The following GALNTL6 variants were observed in gnomAD, a reference collection of about 807,000 sequenced individuals.
The protein encoded by GALNTL6 is polypeptide N-acetylgalactosaminyltransferase-like 6.
A neutral mutation model predicts 73.7 loss-of-function variants in GALNTL6; 46 were observed. The observed-to-expected ratio is 0.62, with a 90% CI of 0.49 to 0.80. GALNTL6 has a LOEUF of 0.80. GALNTL6 is among the 30% of genes least tolerant of loss of function. The pLI is 0.00. For synonymous variants in GALNTL6, 259 were observed against 263.7 expected (o/e 0.98, Z 0.17); for missense variants, 604 against 755.0 (o/e 0.80, Z 2.34).
intron 4 of GALNTL6, among the ~76,000 whole-genome samples, chr4:172,333,464 G>T (rs1741202972): frequency 6.6e-6 from 1 of 151,984 alleles, no homozygotes; most frequent in African/African-American, 2.4e-5. Context: ...GATGTCCTTT[G>T]CCCACATTTT....
intron 3 of GALNTL6, among the ~76,000 whole-genome samples, chr4:172,260,795 C>T (rs1414904747): frequency 6.6e-6 from 1 of 151,032 alleles, no homozygotes; most frequent in Admixed American, 6.6e-5. Flanking sequence ...CTAATTTTGC[C>T]AAAGGTTTTA....
intron 2 of GALNTL6, among the ~76,000 whole-genome samples, chr4:172,227,266 A>T (rs1736898837): frequency 6.6e-6 from 1 of 152,184 alleles, no homozygotes; most frequent in South Asian, 2.1e-4. Flanking sequence ...TAAGCTGTGG[A>T]CTGGCAGCTT....
At chr4:171,881,859 T>C (rs938831755) in intron 2 of GALNTL6, among the ~76,000 whole-genome samples, 1 of 152,164 alleles carries the variant, frequency 6.6e-6, no homozygotes, top group Non-Finnish European at 1.5e-5. Context: ...AAGGCAAAAA[T>C]CTAAAATGTG....
chr4:172,539,158 T>G (rs965288265), intron 5 of GALNTL6, among the ~76,000 whole-genome samples: 1 of 152,188 alleles, frequency 6.6e-6, no homozygotes, highest in Non-Finnish European at 1.5e-5. Context: ...TGAATTTTTT[T>G]TGTGTTCTTT....
At position 172,729,893 on chromosome 4, in the gene GALNTL6, C is replaced by T. The variant is rs181187331; in HGVS notation, c.554-79468C>T. On this transcript the variant is annotated intron_variant, in intron 5 of 12. Coordinates refer to ENST00000506823, the MANE Select transcript of GALNTL6 (RefSeq NM_001034845.3). ...ACTATCTTTCTGTTTTTTTGGTGTCCTCTTCAATTTCTTTTATCAGTATTT... is the reference window on the plus strand; with the variant it reads ...ACTATCTTTCTGTTTTTTTGGTGTCTTCTTCAATTTCTTTTATCAGTATTT... 1.0e-3 allele frequency among the ~76,000 whole-genome samples: 159 copies of T among 151,914 alleles called. 1 individual carries two copies. The highest frequency in any genetic ancestry group is 0.01 in the Admixed American group (159 of 15,274).
intron 5 of GALNTL6, among the ~76,000 whole-genome samples, chr4:172,783,079 A>G (rs1436877223): frequency 4.6e-5 from 7 of 151,396 alleles, no homozygotes; most frequent in African/African-American, 1.5e-4. Flanking sequence ...GCACCACTTG[A>G]AACATAACCA....
intron 8 of GALNTL6, among the ~76,000 whole-genome samples, chr4:172,921,920 A>T (rs1747813532): frequency 6.6e-6 from 1 of 152,150 alleles, no homozygotes; most frequent in Admixed American, 6.6e-5. Context: ...TTTCTCTAAG[A>T]GTTAACTACT....
chr4:172,584,148 A>G (rs576943972), intron 5 of GALNTL6, among the ~76,000 whole-genome samples: 2 of 152,070 alleles, frequency 1.3e-5, no homozygotes, highest in South Asian at 2.1e-4. Context: ...AAAAAAATGG[A>G]GAGTGCAATA....
intron 10 of GALNTL6, among the ~76,000 whole-genome samples, chr4:172,984,197 A>G (rs1052564021): frequency 2.6e-5 from 4 of 152,242 alleles, no homozygotes; most frequent in African/African-American, 9.6e-5. Flanking sequence ...TAATACAGAC[A>G]TACTAGACTG....
At chr4:172,084,914 T>C (rs1284297262) in intron 2 of GALNTL6, among the ~76,000 whole-genome samples, 1 of 152,202 alleles carries the variant, frequency 6.6e-6, no homozygotes, top group East Asian at 1.9e-4. Flanking sequence ...ACTAAAGTAC[T>C]TCCTGAAAAT....
At chr4:172,233,820 G>A (rs1289805262) in intron 3 of GALNTL6, among the ~76,000 whole-genome samples, 3 of 151,908 alleles carry the variant, frequency 2.0e-5, no homozygotes, top group Non-Finnish European at 4.4e-5. Context: ...ACAAAAAAAT[G>A]GGAATTTTTG....
chr4:172,032,640 A>G (rs1470014718), intron 2 of GALNTL6, among the ~76,000 whole-genome samples: 2 of 152,016 alleles, frequency 1.3e-5, no homozygotes, highest in Middle Eastern at 3.2e-3. Flanking sequence ...TGTGGACATA[A>G]ATAAGAAGCA....
chr4:171,904,693 C>G (rs546591433), intron 2 of GALNTL6, among the ~76,000 whole-genome samples: 1 of 152,112 alleles, frequency 6.6e-6, no homozygotes, highest in Non-Finnish European at 1.5e-5. Context: ...ACATAATTAT[C>G]AGATTCACCA....
intron 8 of GALNTL6, among the ~76,000 whole-genome samples, chr4:172,929,868 AT>A (rs569182713): frequency 2.5e-3 from 379 of 152,368 alleles, no homozygotes; most frequent in Non-Finnish European, 3.4e-3. Flanking sequence ...TGTTTTGATA[AT>A]TAGTTCTTTT....
intron 2 of GALNTL6, among the ~76,000 whole-genome samples, chr4:171,942,336 G>A (rs922848421): frequency 4.6e-5 from 7 of 151,934 alleles, no homozygotes; most frequent in Non-Finnish European, 1.0e-4. Flanking sequence ...TAACAGGAAG[G>A]TTGGTATCAG....
chr4:172,675,289 T>G lies in GALNTL6; in HGVS notation c.554-134072T>G, dbSNP rs528884944. ...ACTGCATGCTCTAACTCTGGGGAAC[T>G]TGTATTGGGCCCCAACTTTGTTCAC... On this transcript the variant is annotated intron_variant, in intron 5 of 12. Coordinates refer to ENST00000506823, the MANE Select transcript of GALNTL6 (RefSeq NM_001034845.3). Among the ~76,000 whole-genome samples the G allele has an allele frequency of 1.6e-4, 25 of 152,320 alleles. No individual in the cohort carries two copies. The South Asian group carries it at 5.0e-3, about 30-fold the overall frequency.
intron 7 of GALNTL6, among the ~76,000 whole-genome samples, chr4:172,822,780 G>C (rs959042854): frequency 6.6e-6 from 1 of 152,046 alleles, no homozygotes; most frequent in Non-Finnish European, 1.5e-5. Flanking sequence ...TTTTCGTAGG[G>C]GTTTTTTTGG....
chr4:172,487,906 C>T (rs962218923), intron 5 of GALNTL6, among the ~76,000 whole-genome samples: 2 of 152,068 alleles, frequency 1.3e-5, no homozygotes, highest in African/African-American at 4.8e-5. Flanking sequence ...TTAGGTGCTA[C>T]CATAGAATTA....
At chr4:171,976,095 G>C (rs964597952) in intron 2 of GALNTL6, among the ~76,000 whole-genome samples, 1 of 152,040 alleles carries the variant, frequency 6.6e-6, no homozygotes, top group Non-Finnish European at 1.5e-5. Flanking sequence ...GCTAATTTTT[G>C]TATTTTTAGT....
Sources: allele counts gnomAD v4.1 joint callset (sites outside exome capture counted in the v4.1 genomes callset), GRCh38; gene constraint gnomAD v4.1.1; transcripts MANE v1.5; gene names NCBI Gene and HGNC (gene_info 2026-07-23, HGNC 2026-07-21).